Variants in TMX2 observed in about 807,000 individuals in gnomAD.
The protein encoded by TMX2 is thioredoxin related transmembrane protein 2.
Under a neutral mutation model 33.4 loss-of-function variants are expected in TMX2, and 20 were observed. The ratio of observed to expected loss-of-function variants is 0.60; its 90% CI spans 0.42 to 0.87. TMX2 has a LOEUF of 0.87. Among genes scored for constraint, TMX2 ranks in the 40% least tolerant of loss-of-function variants. The probability of loss-of-function intolerance (pLI) is 0.00; values close to 1 mark genes in which losing one functional copy is unlikely to be tolerated. For missense variants in TMX2, 340 were observed against 370.7 expected, an observed-to-expected ratio of 0.92 and a Z score of 0.68; for synonymous variants, 166 against 140.7, an observed-to-expected ratio of 1.18 and a Z score of -1.27.
chr11:57,740,127 A>G lies in TMX2; in HGVS notation c.773A>G (p.Asn258Ser). The part of the protein sequence containing the change: ...EENVIREFNL[N>S]ELYQRAKKLS... ...AATGTGATCCGAGAATTTAACTTAA[A>G]TGAGCTATACCAGCGGGCCAAGAAA... Residue 258 changes from asparagine to serine, a missense_variant, in exon 8 of 8, where the codon AAT becomes AGT. Asn to Ser is a conservative substitution (Grantham distance 46). This residue lies in a region of TMX2 where 209 missense variants were observed against 241.6 expected (regional missense o/e 0.87). Coordinates refer to ENST00000278422, the MANE Select transcript of TMX2 (RefSeq NM_015959.4). The G allele has an allele frequency of 6.2e-7, 1 of 1,614,008 alleles. No individual in the cohort carries two copies. Among genetic ancestry groups the G allele is most frequent in the Non-Finnish European group, 8.5e-7 (1 of 1,179,870 alleles).
chr11:57,721,606 G>GTGCCTGGT (rs1387067621), intron 1 of TMX2, among the ~76,000 whole-genome samples: 11 of 152,120 alleles, frequency 7.2e-5, no homozygotes, highest in Non-Finnish European at 1.5e-4. Flanking sequence ...ATAAGCCACT[G>GTGCCTGGT]TGCCTGGTCT....
chr11:57,729,982 C>G (rs1244617800), intron 1 of TMX2, among the ~76,000 whole-genome samples: 1 of 150,890 alleles, frequency 6.6e-6, no homozygotes, highest in East Asian at 1.9e-4. Context: ...GTGGCATGCA[C>G]TGTAGTCCCA....
Position 57,740,466 on chromosome 11 carries a change from A to C in TMX2, c.*221A>C, listed in dbSNP as rs1307194581. On this transcript the variant is annotated 3_prime_UTR_variant, in exon 8 of 8. Transcript: ENST00000278422. ...ACTGTTTCACTGGAGCAAGAAAGAG[A>C]TCTCATAGGACGGAGGGGGAAATGG... 2 of 506,038 alleles carry C rather than the reference A, an allele frequency of 4.0e-6. No homozygotes were observed. Among genetic ancestry groups the C allele is most frequent in the East Asian group, 7.3e-5 (2 of 27,298 alleles). 31.3% of individuals were successfully genotyped at this position (506,038 alleles called of 1,614,324 possible). A position where few individuals can be genotyped will look rare whatever the true frequency, so the allele number is the denominator to read the frequency against.
chr11:57,739,524 G>A (rs973814349), intron 7 of TMX2, among the ~76,000 whole-genome samples: 1 of 152,204 alleles, frequency 6.6e-6, no homozygotes, highest in African/African-American at 2.4e-5. Context: ...TTGGGAGGCC[G>A]AGGCTGGCAG....
Position 57,712,598 on chromosome 11 carries a change from G to T in TMX2, c.-21G>T, listed in dbSNP as rs528783730. The T allele has an allele frequency of 1.3e-6, 2 of 1,589,768 alleles. No individual in the cohort carries two copies. Among genetic ancestry groups the T allele is most frequent in the Admixed American group, 3.4e-5 (2 of 57,986 alleles). The stretch of plus-strand genomic sequence containing the variant: ...GCGAGACCTACGACGCCGGCGAGCA[G>T]TGGCCGTTACGGCCGAAAAGATGGC... On this transcript the variant is annotated 5_prime_UTR_variant, in exon 1 of 8. Coordinates refer to ENST00000278422, the MANE Select transcript of TMX2 (RefSeq NM_015959.4).
intron 1 of TMX2, among the ~76,000 whole-genome samples, chr11:57,735,616 G>A (rs1345301099): frequency 6.6e-6 from 1 of 152,132 alleles, no homozygotes; most frequent in Admixed American, 6.6e-5. Context: ...TGGAGTGAGG[G>A]GTAAAGGAAA....
intron 1 of TMX2, among the ~76,000 whole-genome samples, chr11:57,730,297 GGC>G (rs1948281850): frequency 6.6e-6 from 1 of 150,584 alleles, no homozygotes; most frequent in African/African-American, 2.4e-5. Context: ...CATGGTGGTG[GGC>G]GCCTATAATC....
At chr11:57,716,839 G>A (rs549968869) in intron 1 of TMX2, among the ~76,000 whole-genome samples, 7 of 148,538 alleles carry the variant, frequency 4.7e-5, no homozygotes, top group South Asian at 4.2e-4. Flanking sequence ...CGGGCGGGGG[G>A]CTGACCCCCC....
In TMX2 at chr11:57,739,190, GT is replaced by G; in HGVS notation, c.675del (p.Gly226AlafsTer26). On this transcript the variant is annotated frameshift_variant, in exon 7 of 8. Transcript: ENST00000278422. LOFTEE classifies it high-confidence loss of function. The stretch of plus-strand genomic sequence containing the variant: ...CTCCCTACCCTGATCCTGTTCCAAG[GT>G]GGCAAGGAGGCAATGCGGCGGCCAC... ...KQLPTLILFQ[G>X]GKEAMRRPQI... 6.2e-7 allele frequency: 1 copy of G among 1,614,062 alleles called. No individual in the cohort carries two copies. The highest frequency in any genetic ancestry group is 1.3e-5 in the African/African-American group (1 of 74,992).
chr11:57,740,073 C>G (rs896402543), intron 7 of TMX2, 26 bp from the exon 8 acceptor site: 11 of 1,613,744 alleles, frequency 6.8e-6, no homozygotes, highest in Non-Finnish European at 9.3e-6. Context: ...AACCCAGATC[C>G]TGACGTGTGC....
In TMX2 at chr11:57,720,134, CAAAAAA is replaced by C. The variant is rs59914635; in HGVS notation, c.189+7341_189+7346del. Among the ~76,000 whole-genome samples the C allele has an allele frequency of 2.8e-3, 365 of 128,090 alleles. 4 individuals carry two copies. The highest frequency in any genetic ancestry group is 8.7e-3 in the African/African-American group (283 of 32,380). The allele number at this position is 128,090 out of a possible 152,430, so 84.0% of individuals were successfully genotyped here. Reference sequence around the variant, plus strand: ...TGAAACCCCATCTCTACTAAAAATACAAAAAAAAAAAAAAAAAAAGGTGCCACTGAC... The same window carrying C: ...TGAAACCCCATCTCTACTAAAAATACAAAAAAAAAAAAAGGTGCCACTGAC... On this transcript the variant is annotated intron_variant, in intron 1 of 7. Transcript: ENST00000278422.
At chr11:57,715,776 T>C (rs1300101990) in intron 1 of TMX2, among the ~76,000 whole-genome samples, 2 of 151,190 alleles carry the variant, frequency 1.3e-5, no homozygotes, top group South Asian at 2.1e-4. Context: ...TAGGGAGTGG[T>C]GATGATTCTT....
Position 57,739,241 on chromosome 11 carries a change from T to A in TMX2, c.725T>A (p.Val242Asp), listed in dbSNP as rs1358617585. The A allele has an allele frequency of 1.2e-6, 2 of 1,613,950 alleles. No individual in the cohort carries two copies. Among genetic ancestry groups the A allele is most frequent in the Non-Finnish European group, 1.7e-6 (2 of 1,180,030 alleles). Residue 242 changes from valine to aspartate, a missense_variant, in exon 7 of 8, where the codon GTC becomes GAC. Transcript: ENST00000278422. ...CAGATTGACAAGAAAGGACGGGCTG[T>A]CTCATGGACCTTCTCTGAGGTACCT... is the stretch of plus-strand genomic sequence containing the variant. ...RPQIDKKGRA[V>D]SWTFSEENVI...
intron 1 of TMX2, among the ~76,000 whole-genome samples, chr11:57,716,784 C>T (rs1947116844): frequency 7.0e-6 from 1 of 143,858 alleles, no homozygotes; most frequent in African/African-American, 2.6e-5. Context: ...CCAGTAGGGG[C>T]GGCTGGGCAG....
chr11:57,738,677 G>A lies in TMX2; in HGVS notation c.455G>A (p.Arg152Gln), dbSNP rs773925236. ...NDKTIDEELE[R>Q]DKRVTWIVEF... Reference sequence around the variant, plus strand: ...TGTATTTGGCAGGAGGAACTAGAACGGGACAAGAGGGTCACTTGGATTGTG... The same window carrying A: ...TGTATTTGGCAGGAGGAACTAGAACAGGACAAGAGGGTCACTTGGATTGTG... The change falls in exon 5 of 8, where the codon CGG becomes CAG. Residue 152 changes from arginine to glutamine, a missense_variant. Physicochemically the swap from Arg to Gln is conservative, Grantham distance 43. Around this residue, in one of 3 missense-constraint regions of TMX2, gnomAD observed 209 missense variants for 241.6 expected, o/e 0.87. Coordinates refer to ENST00000278422, the MANE Select transcript of TMX2 (RefSeq NM_015959.4). The A allele has an allele frequency of 9.5e-5, 153 of 1,613,770 alleles. No homozygotes were observed. The East Asian group carries it at 1.2e-3, about 13-fold the overall frequency.
intron 1 of TMX2, among the ~76,000 whole-genome samples, chr11:57,715,276 C>T (rs1488207988): frequency 6.6e-6 from 1 of 152,070 alleles, no homozygotes; most frequent in African/African-American, 2.4e-5. Context: ...TGGTGGGTGC[C>T]TGTAATCCCA....
At chr11:57,718,296 C>T (rs908392433) in intron 1 of TMX2, 31 of 1,547,120 alleles carry the variant, frequency 2.0e-5, no homozygotes, top group Non-Finnish European at 2.6e-5. Flanking sequence ...AAATTTCTCC[C>T]CATAGATGGA....
chr11:57,719,553 C>T (rs568665148), intron 1 of TMX2, among the ~76,000 whole-genome samples: 12 of 114,020 alleles, frequency 1.1e-4, no homozygotes, highest in African/African-American at 3.6e-4. Context: ...CAGGGTCTCA[C>T]TCTGTTGCCC....
intron 2 of TMX2, 66 bp from the exon 3 acceptor site, chr11:57,737,847 G>A (rs1463777848): frequency 1.9e-5 from 31 of 1,614,066 alleles, no homozygotes; most frequent in Non-Finnish European, 2.5e-5. Flanking sequence ...GCCCCATGAA[G>A]AGGGACAAAG....
Sources: gnomAD v4.1 joint callset for allele counts (sites outside exome capture counted in the v4.1 genomes callset) on GRCh38, gnomAD v4.1.1 for gene constraint, gnomAD v4.1.1 regional missense constraint, MANE v1.5 for transcripts, NCBI Gene and HGNC (gene_info 2026-07-23, HGNC 2026-07-21) for gene names.